Variants in SV2C observed in about 807,000 individuals in gnomAD.
The protein encoded by SV2C is synaptic vesicle glycoprotein 2C, also known as solute carrier family 22 member B3.
In SV2C, 49 loss-of-function variants were observed where a neutral mutation model predicts 79.7. The ratio of observed to expected loss-of-function variants is 0.61; its 90% CI spans 0.49 to 0.78. SV2C has a LOEUF of 0.78. Ranked by LOEUF, SV2C falls within the 30% of genes least tolerant of loss-of-function variation. The pLI is 0.00. For synonymous variants in SV2C, 334 were observed against 333.2 expected, an observed-to-expected ratio of 1.00 and a Z score of -0.03; for missense variants, 833 against 912.9, an observed-to-expected ratio of 0.91 and a Z score of 1.13.
In SV2C at chr5:76,270,743, C is replaced by A. The variant is rs376381721; in HGVS notation, c.914-14419C>A. On this transcript the variant is annotated intron_variant, in intron 4 of 12. Transcript: ENST00000502798. ...ACAGAAAGGTGTTTCATTTTTTAAT[C>A]CCTATGATTTATTTATTTATTTATT... Among the ~76,000 whole-genome samples, 8 of 151,842 alleles carry A rather than the reference C, an allele frequency of 5.3e-5. No individual in the cohort carries two copies. In the East Asian group the frequency reaches 1.5e-3, roughly 29 times the overall value.
chr5:76,267,671 G>A (rs770842898), intron 4 of SV2C, among the ~76,000 whole-genome samples: 7 of 152,252 alleles, frequency 4.6e-5, no homozygotes, highest in Non-Finnish European at 1.0e-4. Flanking sequence ...CAAAGAGAAA[G>A]GCATTGATGC....
chr5:76,341,346 T>C (rs536701977), intron 12 of SV2C, among the ~76,000 whole-genome samples: 1 of 152,158 alleles, frequency 6.6e-6, no homozygotes, highest in South Asian at 2.1e-4. Context: ...AAGACCAGCC[T>C]GAACAGCATC....
the SV2C span, among the ~76,000 whole-genome samples, chr5:75,891,338 A>T: frequency 6.6e-6 from 1 of 152,006 alleles, no homozygotes; most frequent in Non-Finnish European, 1.5e-5. Flanking sequence ...ACAGGGTAGA[A>T]CTCTCTTCAT....
chr5:75,998,989 C>A, the SV2C span, among the ~76,000 whole-genome samples: 16 of 152,222 alleles, frequency 1.1e-4, no homozygotes, highest in South Asian at 4.1e-4. Flanking sequence ...TTCCACTTGG[C>A]TGGGGAAGCC....
intron 1 of SV2C, among the ~76,000 whole-genome samples, chr5:76,105,070 G>T (rs1747865293): frequency 6.6e-6 from 1 of 152,160 alleles, no homozygotes; most frequent in South Asian, 2.1e-4. Context: ...TTAAGATGAG[G>T]TCATACTGGA....
At chr5:75,930,577 A>C in the SV2C span, among the ~76,000 whole-genome samples, 5 of 152,214 alleles carry the variant, frequency 3.3e-5, no homozygotes, top group Non-Finnish European at 5.9e-5. Context: ...CTATCATCCA[A>C]GAGATTGCAT....
chr5:76,149,032 A>G (rs1333776485), intron 2 of SV2C, among the ~76,000 whole-genome samples: 1 of 152,162 alleles, frequency 6.6e-6, no homozygotes, highest in Non-Finnish European at 1.5e-5. Context: ...ATATTAAAAA[A>G]TTATTTGTTG....
the SV2C span, among the ~76,000 whole-genome samples, chr5:75,892,930 G>A: frequency 6.6e-6 from 1 of 151,990 alleles, no homozygotes; most frequent in Admixed American, 6.6e-5. Flanking sequence ...TTTTCTTTGG[G>A]TATATACCCA....
At chr5:75,901,557 G>C in the SV2C span, among the ~76,000 whole-genome samples, 1 of 152,214 alleles carries the variant, frequency 6.6e-6, no homozygotes, top group African/African-American at 2.4e-5. Context: ...ACTTGAGGGG[G>C]CAATCTGCCC....
chr5:75,973,994 C>CA, the SV2C span, among the ~76,000 whole-genome samples: 14 of 151,594 alleles, frequency 9.2e-5, no homozygotes, highest in South Asian at 2.1e-4. Flanking sequence ...GAACCATGGT[C>CA]AAAAAAATGA....
chr5:76,295,226 C>CT (rs558516283), intron 8 of SV2C, among the ~76,000 whole-genome samples: 11 of 152,322 alleles, frequency 7.2e-5, no homozygotes, highest in Admixed American at 2.6e-4. Context: ...ATGGCACAGT[C>CT]TCTGCTTCCA....
intron 1 of SV2C, among the ~76,000 whole-genome samples, chr5:76,087,070 A>T (rs1747222527): frequency 6.6e-6 from 1 of 152,242 alleles, no homozygotes; most frequent in South Asian, 2.1e-4. Context: ...TATAAGTAGT[A>T]TAGAAAATGT....
the SV2C span, among the ~76,000 whole-genome samples, chr5:75,964,298 G>A: frequency 0.015 from 2,346 of 152,240 alleles, 61 homozygotes; most frequent in African/African-American, 0.053. Flanking sequence ...GGAACTACCC[G>A]CTCACCAGGA....
Position 76,194,938 on chromosome 5 carries a change from G to A in SV2C, c.600G>A (p.Gly200=). ...TTGCAGGCAGCATAGTGTACCTCGG[G>A]ATGATGGTGGGGGCGTTCTTCTGGG... ...SGWLGSIVYL[G]MMVGAFFWGG... The change falls in exon 3 of 13, where the codon GGG becomes GGA. Residue 200 remains glycine (G), a synonymous_variant. Transcript: ENST00000502798. 6.2e-7 allele frequency: 1 copy of A among 1,614,030 alleles called. No individual in the cohort carries two copies. The highest frequency in any genetic ancestry group is 8.5e-7 in the Non-Finnish European group (1 of 1,179,946).
At chr5:76,308,366 G>A (rs1748283776) in intron 12 of SV2C, among the ~76,000 whole-genome samples, 1 of 152,142 alleles carries the variant, frequency 6.6e-6, no homozygotes, top group African/African-American at 2.4e-5. Flanking sequence ...ACCCAGCAGG[G>A]ATGAAAGTCC....
chr5:76,266,755 A>G (rs887593112), intron 4 of SV2C, among the ~76,000 whole-genome samples: 34 of 151,920 alleles, frequency 2.2e-4, no homozygotes, highest in Admixed American at 2.1e-3. Flanking sequence ...TTACACAACA[A>G]TGTAAATGTA....
the SV2C span, among the ~76,000 whole-genome samples, chr5:75,925,581 A>T: frequency 6.6e-6 from 1 of 152,238 alleles, no homozygotes; most frequent in African/African-American, 2.4e-5. Context: ...TGTCCCAGGG[A>T]CATCTGAGTC....
chr5:76,055,439 C>T, the SV2C span, among the ~76,000 whole-genome samples: 1 of 152,110 alleles, frequency 6.6e-6, no homozygotes, highest in Non-Finnish European at 1.5e-5. Flanking sequence ...CATGATGCCT[C>T]TAGCTTTGTT....
chr5:76,068,989 C>T, the SV2C span, among the ~76,000 whole-genome samples: 1 of 152,010 alleles, frequency 6.6e-6, no homozygotes, highest in Middle Eastern at 3.2e-3. Flanking sequence ...AAATGAAGTG[C>T]AAAGAAAAGA....
Sources: allele counts gnomAD v4.1 joint callset (sites outside exome capture counted in the v4.1 genomes callset), GRCh38; gene constraint gnomAD v4.1.1; transcripts MANE v1.5; gene names NCBI Gene and HGNC (gene_info 2026-07-23, HGNC 2026-07-21).